The following ERCC3 variants were observed in gnomAD, a reference collection of about 807,000 sequenced individuals.
ERCC3 encodes the protein ERCC excision repair 3, TFIIH core complex helicase subunit, also known as general transcription and DNA repair factor IIH helicase/translocase subunit XPB.
ERCC3 carries 66 observed loss-of-function variants against 94.2 expected under a neutral mutation model. The observed-to-expected ratio is 0.70, with a 90% CI of 0.57 to 0.86. ERCC3 has a LOEUF of 0.86. Among genes scored for constraint, ERCC3 ranks in the 40% least tolerant of loss-of-function variants. ERCC3 has a pLI of 0.00. For missense variants in ERCC3, 829 were observed against 987.1 expected, an observed-to-expected ratio of 0.84 and a Z score of 2.15; for synonymous variants, 349 against 369.1, an observed-to-expected ratio of 0.95 and a Z score of 0.63.
chr2:127,274,521 T>G lies in ERCC3; in HGVS notation c.1731-1560A>C, dbSNP rs1356630077. Among the ~76,000 whole-genome samples, 1 of 152,080 alleles carries G rather than the reference T, an allele frequency of 6.6e-6. No individual in the cohort carries two copies. Among genetic ancestry groups the G allele is most frequent in the Non-Finnish European group, 1.5e-5 (1 of 67,996 alleles). ...AGCAGTGCCCATTAATGGATGTACC[T>G]CAAAGAGCAAACCCCTTGCCTGTGG... On this transcript the variant is annotated intron_variant, in intron 10 of 14. Coordinates refer to ENST00000285398, the MANE Select transcript of ERCC3 (RefSeq NM_000122.2). The surrounding 1 kb of genome is among the most constrained non-coding windows in gnomAD (Gnocchi z 4.0).
rs1392796054 is a variant in ERCC3 at position 127,291,256 on chromosome 2, CT to C, written c.472-984del. ...AAGGTCCTCTCCTTGGGCACGCTTT[CT>C]TTTTTGTTGTTGTTCTGAGGCGGAG... On this transcript the variant is annotated intron_variant, in intron 3 of 14. Coordinates refer to ENST00000285398, the MANE Select transcript of ERCC3 (RefSeq NM_000122.2). The surrounding 1 kb of genome is among the most constrained non-coding windows in gnomAD (Gnocchi z 4.9). 6.6e-6 allele frequency among the ~76,000 whole-genome samples: 1 copy of C among 151,970 alleles called. No homozygotes were observed. Among genetic ancestry groups the C allele is most frequent in the Non-Finnish European group, 1.5e-5 (1 of 68,000 alleles).
Position 127,280,712 on chromosome 2 carries a change from A to C in ERCC3, c.1343-81T>G. 7.7e-7 allele frequency: 1 copy of C among 1,292,394 alleles called. No homozygotes were observed. The highest frequency in any genetic ancestry group is 1.1e-6 in the Non-Finnish European group (1 of 919,374). 80.1% of individuals were successfully genotyped at this position (1,292,394 alleles called of 1,614,324 possible). The stretch of plus-strand genomic sequence containing the variant: ...ATTTATTTTAAAATATTTTTTGTAG[A>C]GATGGGGTCTCATTATATTGCCCAG... On this transcript the variant is annotated intron_variant, in intron 8 of 14. Coordinates refer to ENST00000285398, the MANE Select transcript of ERCC3 (RefSeq NM_000122.2). The surrounding 1 kb of genome is among the most constrained non-coding windows in gnomAD (Gnocchi z 6.3).
Position 127,277,306 on chromosome 2 carries a change from T to C in ERCC3, c.1730+1867A>G, listed in dbSNP as rs1684761582. On this transcript the variant is annotated intron_variant, in intron 10 of 14. Transcript: ENST00000285398. This position sits in a 1 kb window ranked among gnomAD's most constrained non-coding sequence, Gnocchi z 5.1. ...CTGAGTTTATGGTTATGTGAAGACT[T>C]TGGAGGGGAATAATTATTCAATGCA... Among the ~76,000 whole-genome samples the C allele has an allele frequency of 6.6e-6, 1 of 152,072 alleles. No homozygotes were observed. The highest frequency in any genetic ancestry group is 6.5e-5 in the Admixed American group (1 of 15,274).
rs1684561053 is a variant in ERCC3, at chr2:127,271,830, C to T, written c.1828-377G>A. On this transcript the variant is annotated intron_variant, in intron 11 of 14. Transcript: ENST00000285398. This position sits in a 1 kb window ranked among gnomAD's most constrained non-coding sequence, Gnocchi z 5.0. ...AACCATCCATACTCTTACCTGTTGG[C>T]CACTGACACCAGCAGCACACGTGGG... Among the ~76,000 whole-genome samples, 1 of 152,034 alleles carries T rather than the reference C, an allele frequency of 6.6e-6. No individual in the cohort carries two copies. The highest frequency in any genetic ancestry group is 2.1e-4 in the South Asian group (1 of 4,822).
chr2:127,287,081 G>C, intron 7 of ERCC3, 64 bp from the exon 8 acceptor site: 1 of 1,310,852 alleles, frequency 7.6e-7, no homozygotes, highest in East Asian at 2.3e-5. Context: ...GGGACAGGCA[G>C]AATGACTCAC....
chr2:127,281,119 T>C lies in ERCC3; in HGVS notation c.1343-488A>G, dbSNP rs4150453. On this transcript the variant is annotated intron_variant, in intron 8 of 14. Coordinates refer to ENST00000285398, the MANE Select transcript of ERCC3 (RefSeq NM_000122.2). The stretch of plus-strand genomic sequence containing the variant: ...AAATACAACCTGCAATACTTACTAT[T>C]AATACCATTAAGCTCTAAATTACGC... 8.6e-3 allele frequency: 3,439 copies of C among 399,978 alleles called. 23 individuals carry two copies. The highest frequency in any genetic ancestry group is 0.012 in the Non-Finnish European group (2,744 of 226,974). 24.8% of individuals were successfully genotyped at this position (399,978 alleles called of 1,614,324 possible).
intron 13 of ERCC3, 55 bp downstream of exon 13, chr2:127,261,173 A>C: frequency 9.9e-7 from 1 of 1,012,992 alleles, no homozygotes; most frequent in Non-Finnish European, 1.6e-6. Flanking sequence ...CCTGGAGGCC[A>C]GGGTATCAAG....
intron 11 of ERCC3, 30 bp downstream of exon 11, chr2:127,272,835 C>T (rs983965004): frequency 1.4e-6 from 2 of 1,402,936 alleles, no homozygotes; most frequent in Admixed American, 1.7e-5. Flanking sequence ...GTGCTAGGGG[C>T]CTCACCTCCA....
Position 127,257,996 on chromosome 2 carries a change from T to C in ERCC3, c.2218-269A>G, listed in dbSNP as rs189597208. ...ATTAACTAACCTATCCAAGATCACATAGCTCTTAAGGAGATGGGATTTGAA... is the reference window on the plus strand; with the variant it reads ...ATTAACTAACCTATCCAAGATCACACAGCTCTTAAGGAGATGGGATTTGAA... On this transcript the variant is annotated intron_variant, in intron 14 of 14. Coordinates refer to ENST00000285398, the MANE Select transcript of ERCC3 (RefSeq NM_000122.2). This position sits in a 1 kb window ranked among gnomAD's most constrained non-coding sequence, Gnocchi z 5.4. 7.2e-5 allele frequency among the ~76,000 whole-genome samples: 11 copies of C among 152,316 alleles called. No individual in the cohort carries two copies. The highest frequency in any genetic ancestry group is 1.3e-4 in the Non-Finnish European group (9 of 68,034).
In ERCC3 at chr2:127,292,833, T is replaced by C. The variant is rs532415974; in HGVS notation, c.248A>G (p.His83Arg). ...SRPLWVAPDG[H>R]IFLEAFSPVY... is the part of the protein sequence containing the mutation. ...TGGAGAGAAGGCTTCCAAGAAGATATGGCCATCGGGAGCCTGAGAGATACC... is the reference window on the plus strand; with the variant it reads ...TGGAGAGAAGGCTTCCAAGAAGATACGGCCATCGGGAGCCTGAGAGATACC... The change falls in exon 3 of 15, where the codon CAT becomes CGT. Residue 83 changes from histidine (H) to arginine (R), a missense_variant. His to Arg is a conservative substitution (Grantham distance 29). Transcript: ENST00000285398. The C allele has an allele frequency of 1.2e-6, 2 of 1,611,146 alleles. No homozygotes were observed. The highest frequency in any genetic ancestry group is 1.7e-5 in the Admixed American group (1 of 60,006).
chr2:127,292,734 T>C lies in ERCC3; in HGVS notation c.347A>G (p.Tyr116Cys), dbSNP rs754522317. ...ATACAAGGAGTAGGCAGTTAGTTTG[T>C]ACTCATGCACATGGGTTGGTCGGCA... The part of the protein sequence containing the change: ...PVCRPTHVHE[Y>C]KLTAYSLYAA... Residue 116 changes from tyrosine (Y) to cysteine (C), a missense_variant, in exon 3 of 15, where the codon TAC becomes TGC. Tyr to Cys is a radical substitution (Grantham distance 194). Coordinates refer to ENST00000285398, the MANE Select transcript of ERCC3 (RefSeq NM_000122.2). 7.4e-6 allele frequency: 12 copies of C among 1,613,998 alleles called. No individual in the cohort carries two copies. The East Asian group carries it at 2.7e-4, about 36-fold the overall frequency.
At position 127,259,641 on chromosome 2, in the gene ERCC3, T is replaced by G. The variant is rs1684132377; in HGVS notation, c.2065-193A>C. 6.0e-6 allele frequency: 4 copies of G among 668,164 alleles called. No individual in the cohort carries two copies. In the South Asian group the frequency reaches 6.7e-5, roughly 11 times the overall value. 41.4% of individuals were successfully genotyped at this position (668,164 alleles called of 1,614,324 possible). ...AGCCGCCTTTAACAGGGAGCTTGAC[T>G]AATGATCTCAAGACCAGAGGGATGC... On this transcript the variant is annotated intron_variant, in intron 13 of 14. Coordinates refer to ENST00000285398, the MANE Select transcript of ERCC3 (RefSeq NM_000122.2). The surrounding 1 kb of genome is among the most constrained non-coding windows in gnomAD (Gnocchi z 4.9).
At chr2:127,278,685 C>A (rs144516776) in intron 10 of ERCC3, among the ~76,000 whole-genome samples, 1 of 152,224 alleles carries the variant, frequency 6.6e-6, no homozygotes, top group Non-Finnish European at 1.5e-5. Flanking sequence ...AGGTTTTAAG[C>A]ACAAATATTT....
chr2:127,268,151 AC>A lies in ERCC3; in HGVS notation c.1945+3184del, dbSNP rs372420354. Among the ~76,000 whole-genome samples the A allele has an allele frequency of 2.3e-3, 352 of 152,044 alleles. 1 individual carries two copies. The highest frequency in any genetic ancestry group is 7.7e-3 in the African/African-American group (319 of 41,458). Reference sequence around the variant, plus strand: ...GTATTTTTAGTGGAGATGGGGTTTCACCATGTTGGCCAGGCTGGTCTGGAAC... The same window carrying A: ...GTATTTTTAGTGGAGATGGGGTTTCACATGTTGGCCAGGCTGGTCTGGAAC... On this transcript the variant is annotated intron_variant, in intron 12 of 14. Coordinates refer to ENST00000285398, the MANE Select transcript of ERCC3 (RefSeq NM_000122.2).
chr2:127,290,385 G>A, intron 3 of ERCC3, 112 bp from the exon 4 acceptor site: 1 of 930,232 alleles, frequency 1.1e-6, no homozygotes, highest in South Asian at 1.3e-5. Context: ...TTTACTTTAG[G>A]GAAACCCAAC....
chr2:127,269,446 G>T (rs1299979571), intron 12 of ERCC3, among the ~76,000 whole-genome samples: 1 of 142,058 alleles, frequency 7.0e-6, no homozygotes, highest in African/African-American at 2.6e-5. Context: ...TTTTGAGATG[G>T]AGTCTTGCTC....
chr2:127,281,613 T>C (rs1372893913), intron 8 of ERCC3, among the ~76,000 whole-genome samples: 3 of 152,086 alleles, frequency 2.0e-5, no homozygotes, highest in Admixed American at 6.6e-5. Context: ...CAGAAATAAA[T>C]AGACACAAAA....
Position 127,284,835 on chromosome 2 carries a change from C to T in ERCC3, c.1342+1868G>A, listed in dbSNP as rs1041981280. ...AGCAGCTGAGACCACAGGTGCACAC[C>T]ACCACACTTGGCTAATTAAAAAAAT... On this transcript the variant is annotated intron_variant, in intron 8 of 14. Transcript: ENST00000285398. The surrounding 1 kb of genome is among the most constrained non-coding windows in gnomAD (Gnocchi z 4.1). Among the ~76,000 whole-genome samples the T allele has an allele frequency of 3.9e-5, 6 of 152,042 alleles. No homozygotes were observed. The highest frequency in any genetic ancestry group is 8.8e-5 in the Non-Finnish European group (6 of 68,006).
intron 1 of ERCC3, 137 bp from the exon 2 acceptor site, chr2:127,293,855 A>C (rs1573966242): frequency 6.4e-7 from 1 of 1,558,982 alleles, no homozygotes; most frequent in Non-Finnish European, 8.6e-7. Flanking sequence ...TGCGCCCCTC[A>C]CCCGTCTCCC....
Sources: gnomAD v4.1 joint callset for allele counts (sites outside exome capture counted in the v4.1 genomes callset) on GRCh38, gnomAD v4.1.1 for gene constraint, Gnocchi (gnomAD v3.1) non-coding constraint, MANE v1.5 for transcripts, NCBI Gene and HGNC (gene_info 2026-07-23, HGNC 2026-07-21) for gene names.